SORCS3: variants seen among roughly 807,000 people sequenced by gnomAD.
SORCS3 encodes the protein sortilin related VPS10 domain containing receptor 3.
SORCS3 carries 57 observed loss-of-function variants against 146.3 expected under a neutral mutation model. The ratio of observed to expected loss-of-function variants is 0.39; its 90% confidence interval spans 0.31 to 0.49. The LOEUF is 0.49. Ranked by LOEUF, SORCS3 falls within the 20% of genes least tolerant of loss-of-function variation. The pLI is 0.92. For synonymous variants in SORCS3, 653 were observed against 618.5 expected, an observed-to-expected ratio of 1.06 and a Z score of -0.83; for missense variants, 1,341 against 1,575.5, an observed-to-expected ratio of 0.85 and a Z score of 2.52.
chr10:104,856,296 T>C (rs1414659025), intron 2 of SORCS3, among the ~76,000 whole-genome samples: 1 of 151,360 alleles, frequency 6.6e-6, no homozygotes, highest in African/African-American at 2.4e-5. Context: ...TCTACATATA[T>C]ATATATCATC....
chr10:104,655,007 G>A (rs554297808), intron 1 of SORCS3, among the ~76,000 whole-genome samples: 2 of 152,312 alleles, frequency 1.3e-5, no homozygotes, highest in Non-Finnish European at 2.9e-5. Flanking sequence ...AATCCCAGCA[G>A]TTTGGGAGAC....
intron 3 of SORCS3, among the ~76,000 whole-genome samples, chr10:104,947,499 T>C (rs1213114733): frequency 6.6e-6 from 1 of 152,146 alleles, no homozygotes; most frequent in Non-Finnish European, 1.5e-5. Context: ...CGGGGTCCTT[T>C]CACGGGCTGC....
chr10:105,209,449 G>A (rs1283660698), intron 16 of SORCS3, among the ~76,000 whole-genome samples: 1 of 152,034 alleles, frequency 6.6e-6, no homozygotes, highest in Non-Finnish European at 1.5e-5. Flanking sequence ...AGCTGCAACT[G>A]CTTTCTAATG....
At chr10:105,077,416 G>A (rs1028457454) in intron 5 of SORCS3, among the ~76,000 whole-genome samples, 2 of 152,024 alleles carry the variant, frequency 1.3e-5, no homozygotes, top group East Asian at 1.9e-4. Context: ...GAAGGATGAA[G>A]GGGCAATAAC....
chr10:104,888,349 G>A (rs952595399), intron 2 of SORCS3, among the ~76,000 whole-genome samples: 5 of 152,198 alleles, frequency 3.3e-5, no homozygotes, highest in African/African-American at 1.2e-4. Flanking sequence ...AATGCTGGCC[G>A]ATCCAAGAAA....
intron 3 of SORCS3, among the ~76,000 whole-genome samples, chr10:104,935,445 G>T (rs977166478): frequency 2.0e-5 from 3 of 152,156 alleles, no homozygotes; most frequent in Non-Finnish European, 2.9e-5. Context: ...TACATCTAGG[G>T]TGGGGTCCAG....
intron 1 of SORCS3, among the ~76,000 whole-genome samples, chr10:104,736,400 C>T (rs185107337): frequency 8.5e-5 from 13 of 152,290 alleles, no homozygotes; most frequent in Admixed American, 7.8e-4. Flanking sequence ...GAGAAATTAA[C>T]ACTCAAGTGG....
At position 105,166,477 on chromosome 10, in the gene SORCS3, T is replaced by C. The variant is rs532281339; in HGVS notation, c.1810-781T>C. 2.6e-5 allele frequency among the ~76,000 whole-genome samples: 4 copies of C among 152,292 alleles called. No homozygotes were observed. In the East Asian group the frequency reaches 7.7e-4, roughly 29 times the overall value. On this transcript the variant is annotated intron_variant, in intron 12 of 26. Coordinates refer to ENST00000369701, the MANE Select transcript of SORCS3 (RefSeq NM_014978.3). Reference sequence around the variant, plus strand: ...ATAAAAGTCATATCTGGTATAAGCATTGATATATGTGGGCTTAGGTCTGAA... The same window carrying C: ...ATAAAAGTCATATCTGGTATAAGCACTGATATATGTGGGCTTAGGTCTGAA...
intron 1 of SORCS3, among the ~76,000 whole-genome samples, chr10:104,788,156 G>A (rs749936544): frequency 1.3e-5 from 2 of 152,194 alleles, no homozygotes; most frequent in Non-Finnish European, 2.9e-5. Context: ...AGGTTTCTGA[G>A]TCTAGGTGAG....
intron 1 of SORCS3, among the ~76,000 whole-genome samples, chr10:104,705,280 CT>C (rs1448904763): frequency 4.8e-5 from 4 of 82,824 alleles, no homozygotes; most frequent in Non-Finnish European, 6.9e-5. Context: ...GATTATCTTT[CT>C]TGTTTAACTC....
At chr10:104,769,847 C>G (rs2017227219) in intron 1 of SORCS3, among the ~76,000 whole-genome samples, 1 of 152,040 alleles carries the variant, frequency 6.6e-6, no homozygotes, top group African/African-American at 2.4e-5. Flanking sequence ...CATGCTGAGC[C>G]CTAAGTCTTG....
At chr10:104,754,692 A>G (rs2017027269) in intron 1 of SORCS3, among the ~76,000 whole-genome samples, 2 of 152,206 alleles carry the variant, frequency 1.3e-5, no homozygotes, top group Admixed American at 1.3e-4. Context: ...TTAGGAAATG[A>G]TTCTCATCAA....
chr10:105,151,302 A>G (rs2056165835), intron 9 of SORCS3, among the ~76,000 whole-genome samples: 1 of 152,220 alleles, frequency 6.6e-6, no homozygotes, highest in Admixed American at 6.5e-5. Context: ...AGTGGGGATG[A>G]AGATTGTAAA....
At chr10:104,677,119 T>G (rs2015920362) in intron 1 of SORCS3, among the ~76,000 whole-genome samples, 1 of 152,210 alleles carries the variant, frequency 6.6e-6, no homozygotes, top group African/African-American at 2.4e-5. Flanking sequence ...TTGAGCAAGG[T>G]TCAGGCTGTA....
chr10:105,245,553 T>A lies in SORCS3; in HGVS notation c.2880T>A (p.Thr960=), dbSNP rs773497603. ...WFGNSTKPLI[T]LDSSISFTFL... is the part of the protein sequence containing the mutation. The stretch of plus-strand genomic sequence containing the variant: ...ACTTCTTCTTGTAGCCTCTCATCAC[T>A]TTGGACAGCAGCATTTCCTTCACAT... Residue 960 remains threonine, a synonymous_variant, in exon 21 of 27, where the codon ACT becomes ACA. Coordinates refer to ENST00000369701, the MANE Select transcript of SORCS3 (RefSeq NM_014978.3). 2 of 1,614,110 alleles carry A rather than the reference T, an allele frequency of 1.2e-6. No homozygotes were observed. The highest frequency in any genetic ancestry group is 8.5e-7 in the Non-Finnish European group (1 of 1,180,000).
chr10:104,766,301 C>A (rs866230246), intron 1 of SORCS3, among the ~76,000 whole-genome samples: 3 of 152,198 alleles, frequency 2.0e-5, no homozygotes, highest in Non-Finnish European at 4.4e-5. Flanking sequence ...GGAACAGAGA[C>A]AGTCACCACA....
chr10:105,084,490 C>T (rs1275739887), intron 5 of SORCS3, among the ~76,000 whole-genome samples: 1 of 152,150 alleles, frequency 6.6e-6, no homozygotes, highest in Non-Finnish European at 1.5e-5. Flanking sequence ...CACTGAGTTT[C>T]TACAAGTGGA....
chr10:105,103,126 T>A (rs926083538), intron 6 of SORCS3, among the ~76,000 whole-genome samples: 1 of 152,144 alleles, frequency 6.6e-6, no homozygotes, highest in Non-Finnish European at 1.5e-5. Context: ...AGACTCAGAA[T>A]GTCTTCTTTT....
Position 104,915,817 on chromosome 10 carries a change from T to C in SORCS3, c.696-16T>C. Reference sequence around the variant, plus strand: ...TAAAATGATCTCTCCCTCTCTGTTTTCTCTTTTACCTGCAGGTCGACAGAT... The same window carrying C: ...TAAAATGATCTCTCCCTCTCTGTTTCCTCTTTTACCTGCAGGTCGACAGAT... On this transcript the variant is annotated splice_polypyrimidine_tract_variant and intron_variant, in intron 2 of 26. Coordinates refer to ENST00000369701, the MANE Select transcript of SORCS3 (RefSeq NM_014978.3). 3 of 1,611,852 alleles carry C rather than the reference T, an allele frequency of 1.9e-6. No individual in the cohort carries two copies. The South Asian group carries it at 3.3e-5, about 18-fold the overall frequency.
Sources: allele counts gnomAD v4.1 joint callset (sites outside exome capture counted in the v4.1 genomes callset), GRCh38; gene constraint gnomAD v4.1.1; transcripts MANE v1.5; gene names NCBI Gene and HGNC (gene_info 2026-07-23, HGNC 2026-07-21).